Variants in MEGF6 observed in about 807,000 individuals in gnomAD.
MEGF6 encodes multiple epidermal growth factor-like domains protein 6.
Under a neutral mutation model 207.1 loss-of-function variants are expected in MEGF6, and 184 were observed. The observed-to-expected ratio is 0.89, with a 90% CI of 0.79 to 1.00. The LOEUF is 1.00. Ranked by LOEUF, MEGF6 falls within the 50% of genes least tolerant of loss-of-function variation. The pLI is 0.00. For missense variants in MEGF6, 2,282 were observed against 2,202.9 expected, an observed-to-expected ratio of 1.04 and a Z score of -0.72; for synonymous variants, 1,038 against 910.0, an observed-to-expected ratio of 1.14 and a Z score of -2.53.
intron 20 of MEGF6, 96 bp downstream of exon 20, chr1:3,500,869 GC>G: frequency 6.3e-7 from 1 of 1,596,348 alleles, no homozygotes; most frequent in Non-Finnish European, 8.5e-7. Flanking sequence ...AAGGCCTCCT[GC>G]AAGCCCCTAG....
At chr1:3,614,369 C>T (rs138024281), upstream of MEGF6, among the ~76,000 whole-genome samples, 1 of 152,334 alleles carries the variant, frequency 6.6e-6, no homozygotes, top group Non-Finnish European at 1.5e-5. Context: ...GGTGCCTAGA[C>T]TTGATACATG....
chr1:3,494,658 T>C lies in MEGF6; in HGVS notation c.3955A>G (p.Ser1319Gly). 1 of 1,566,486 alleles carries C rather than the reference T, an allele frequency of 6.4e-7. No individual in the cohort carries two copies. Among genetic ancestry groups the C allele is most frequent in the East Asian group, 2.4e-5 (1 of 42,054 alleles). ...GTCCAGCCCAGGCCACAGGAGCAGC[T>C]GCCGTTGCTGGCGTGGCACAGGCCC... Reference protein sequence around the residue: ...NGGLCHASNGSCSCGLGWTGR... With the variant: ...NGGLCHASNGGCSCGLGWTGR... Residue 1319 changes from serine (S) to glycine (G), a missense_variant, in exon 31 of 37, where the codon AGC becomes GGC. Coordinates refer to ENST00000356575, the MANE Select transcript of MEGF6 (RefSeq NM_001409.4).
In MEGF6 at chr1:3,573,337, C is replaced by A. The variant is rs1015328051; in HGVS notation, c.481+6488G>T. 6.6e-5 allele frequency among the ~76,000 whole-genome samples: 10 copies of A among 152,210 alleles called. No individual in the cohort carries two copies. Among genetic ancestry groups the A allele is most frequent in the Non-Finnish European group, 7.4e-5 (5 of 68,016 alleles). ...CATTTCTCACACCAGACACAAAAAG[C>A]CTCCCCCAGGGTGGCCTCCTGGCTG... On this transcript the variant is annotated intron_variant, in intron 4 of 36. Transcript: ENST00000356575. The surrounding 1 kb of genome is among the most constrained non-coding windows in gnomAD (Gnocchi z 5.1).
chr1:3,604,426 G>A (rs144465520), intron 1 of MEGF6, among the ~76,000 whole-genome samples: 5 of 152,314 alleles, frequency 3.3e-5, no homozygotes, highest in Non-Finnish European at 7.4e-5. Flanking sequence ...AGCTGCAGCC[G>A]AGAAGCCTCC....
At chr1:3,531,500 A>G (rs1270049662) in intron 4 of MEGF6, 43 of 1,050,206 alleles carry the variant, frequency 4.1e-5, no homozygotes, top group Non-Finnish European at 4.9e-5. Flanking sequence ...CAACCGAGGG[A>G]GCCGCCCCCG....
intron 10 of MEGF6, 48 bp from the exon 11 acceptor site, chr1:3,510,040 C>T: frequency 6.4e-7 from 1 of 1,553,344 alleles, no homozygotes; most frequent in Non-Finnish European, 8.6e-7. Flanking sequence ...AGGTGGGGAA[C>T]CAGGAAGGCC....
chr1:3,532,341 C>G (rs539812287), intron 4 of MEGF6, among the ~76,000 whole-genome samples: 1 of 152,226 alleles, frequency 6.6e-6, no homozygotes, highest in Non-Finnish European at 1.5e-5. Context: ...CCTTCTCGCA[C>G]CTATCCTTGG....
intron 23 of MEGF6, 98 bp from the exon 24 acceptor site, chr1:3,499,364 C>T (rs1206984511): frequency 1.0e-5 from 15 of 1,467,722 alleles, no homozygotes; most frequent in South Asian, 6.8e-5. Context: ...GGGGTCCCCT[C>T]GGCTGCTATG....
chr1:3,568,600 C>A (rs1169755430), intron 4 of MEGF6, among the ~76,000 whole-genome samples: 1 of 152,170 alleles, frequency 6.6e-6, no homozygotes, highest in African/African-American at 2.4e-5. Context: ...AGGACACCCA[C>A]AAACCATCCC....
upstream of MEGF6, among the ~76,000 whole-genome samples, chr1:3,611,727 AG>A (rs1557436752): frequency 5.1e-5 from 2 of 39,412 alleles, no homozygotes; most frequent in Non-Finnish European, 1.8e-4. Context: ...CCCCGCCCCT[AG>A]CCCCCTCCCC....
In MEGF6 at chr1:3,501,642, C is replaced by G. The variant is rs148646282; in HGVS notation, c.2314+154G>C. ...ACTTGGTGGGGCAGCCACAGACCCC[C>G]CCTCCCTACCCCAGGGGAGTGCACT... On this transcript the variant is annotated intron_variant, in intron 18 of 36. Transcript: ENST00000356575. Among the ~76,000 whole-genome samples, 294 of 152,216 alleles carry G rather than the reference C, an allele frequency of 1.9e-3. 9 individuals carry two copies. The East Asian group carries it at 0.045, about 23-fold the overall frequency.
At chr1:3,599,044 G>A (rs890723866) in intron 2 of MEGF6, among the ~76,000 whole-genome samples, 1 of 152,164 alleles carries the variant, frequency 6.6e-6, no homozygotes, top group South Asian at 2.1e-4. Flanking sequence ...CCATCACCCC[G>A]CGGCCCTGCC....
intron 5 of MEGF6, among the ~76,000 whole-genome samples, chr1:3,523,434 C>G (rs901374704): frequency 6.6e-6 from 1 of 152,140 alleles, no homozygotes; most frequent in African/African-American, 2.4e-5. Flanking sequence ...TCCCTCTAAC[C>G]CTCCCTCCCT....
intron 4 of MEGF6, among the ~76,000 whole-genome samples, chr1:3,529,972 A>C (rs1313318099): frequency 6.6e-6 from 1 of 152,210 alleles, no homozygotes; most frequent in Non-Finnish European, 1.5e-5. Context: ...CAGGGAGCAC[A>C]CACCATTACC....
chr1:3,564,868 C>A (rs1055715468), intron 4 of MEGF6, among the ~76,000 whole-genome samples: 3 of 152,178 alleles, frequency 2.0e-5, no homozygotes, highest in African/African-American at 7.2e-5. Context: ...GCCCCGCCAT[C>A]CCCACTACCA....
chr1:3,511,800 G>T, intron 8 of MEGF6, 113 bp from the exon 9 acceptor site: 1 of 1,495,068 alleles, frequency 6.7e-7, no homozygotes, highest in Non-Finnish European at 9.0e-7. Flanking sequence ...GGACACCCGT[G>T]GGAAGCAGCA....
At chr1:3,554,329 C>A (rs115729404) in intron 4 of MEGF6, among the ~76,000 whole-genome samples, 2,088 of 152,134 alleles carry the variant, frequency 0.014, 54 homozygotes, top group African/African-American at 0.047. Context: ...GGCAGGAACA[C>A]TGGAAAAGCC....
intron 4 of MEGF6, among the ~76,000 whole-genome samples, chr1:3,541,569 C>A (rs1387187422): frequency 6.6e-6 from 1 of 152,206 alleles, no homozygotes; most frequent in African/African-American, 2.4e-5. Flanking sequence ...CCACTCGTTT[C>A]TCCCGTGCCT....
chr1:3,515,212 C>G (rs991194532), intron 6 of MEGF6, among the ~76,000 whole-genome samples, 190 bp downstream of exon 6: 3 of 152,230 alleles, frequency 2.0e-5, no homozygotes, highest in Non-Finnish European at 4.4e-5. Flanking sequence ...GGCAGCAAGC[C>G]TCAGGTGGGC....
Sources: gnomAD v4.1 joint callset for allele counts (sites outside exome capture counted in the v4.1 genomes callset) on GRCh38, gnomAD v4.1.1 for gene constraint, Gnocchi (gnomAD v3.1) non-coding constraint, MANE v1.5 for transcripts, NCBI Gene and HGNC (gene_info 2026-07-23, HGNC 2026-07-21) for gene names.